ARHGAP15: variants seen among roughly 807,000 people sequenced by gnomAD.
ARHGAP15 encodes the protein rho GTPase-activating protein 15.
A neutral mutation model predicts 63.7 loss-of-function variants in ARHGAP15; 51 were observed. The ratio of observed to expected loss-of-function variants is 0.80; its 90% confidence interval spans 0.64 to 1.01. The LOEUF is 1.01. Among genes scored for constraint, ARHGAP15 ranks in the 50% least tolerant of loss-of-function variants. ARHGAP15 has a pLI of 0.00. For synonymous variants in ARHGAP15, 191 were observed against 193.8 expected (o/e 0.99, Z 0.12); for missense variants, 560 against 564.6 (o/e 0.99, Z 0.08).
At chr2:143,473,966 T>C (rs1030762868) in intron 8 of ARHGAP15, among the ~76,000 whole-genome samples, 2 of 152,084 alleles carry the variant, frequency 1.3e-5, no homozygotes, top group African/African-American at 4.8e-5. Context: ...AAGACCGAAA[T>C]CTCAGCCCGT....
chr2:143,354,372 G>A (rs1296918932), intron 6 of ARHGAP15, among the ~76,000 whole-genome samples: 3 of 152,150 alleles, frequency 2.0e-5, no homozygotes, highest in East Asian at 1.9e-4. Flanking sequence ...AGCCCTAAAA[G>A]TATGGCTGTC....
intron 6 of ARHGAP15, among the ~76,000 whole-genome samples, chr2:143,429,110 A>G (rs1689267497): frequency 1.3e-5 from 2 of 152,132 alleles, no homozygotes; most frequent in African/African-American, 4.8e-5. Context: ...AACTGTGGAA[A>G]TTGCTAAACT....
At chr2:143,438,040 A>C (rs1261960394) in intron 8 of ARHGAP15, among the ~76,000 whole-genome samples, 1 of 152,188 alleles carries the variant, frequency 6.6e-6, no homozygotes, top group East Asian at 1.9e-4. Context: ...AAAGGTAGAC[A>C]TCTTTGGAAC....
intron 10 of ARHGAP15, among the ~76,000 whole-genome samples, chr2:143,526,355 C>T (rs1392738694): frequency 6.6e-6 from 1 of 151,478 alleles, no homozygotes; most frequent in Non-Finnish European, 1.5e-5. Flanking sequence ...TAAATAATGT[C>T]GCTTCCCAGA....
intron 6 of ARHGAP15, among the ~76,000 whole-genome samples, chr2:143,320,411 C>T (rs79816556): frequency 2.5e-5 from 1 of 40,692 alleles, no homozygotes; most frequent in Non-Finnish European, 6.0e-5. Context: ...CTTCCCCACC[C>T]CCCCCCCCCC....
intron 12 of ARHGAP15, among the ~76,000 whole-genome samples, chr2:143,671,195 C>T (rs558732521): frequency 9.2e-5 from 14 of 152,058 alleles, no homozygotes; most frequent in African/African-American, 2.2e-4. Flanking sequence ...TGAAGGGGTC[C>T]TTTTGCAAAA....
intron 2 of ARHGAP15, among the ~76,000 whole-genome samples, chr2:143,156,828 C>T (rs1309570222): frequency 6.6e-6 from 1 of 151,828 alleles, no homozygotes; most frequent in Non-Finnish European, 1.5e-5. Context: ...AGTATTGTCT[C>T]CTGGGAGGTA....
intron 6 of ARHGAP15, among the ~76,000 whole-genome samples, chr2:143,311,842 C>T (rs993859228): frequency 1.3e-5 from 2 of 152,094 alleles, no homozygotes; most frequent in African/African-American, 4.8e-5. Context: ...AGTTCATTAG[C>T]CCTAGATTCT....
At chr2:143,745,501 G>T (rs1212347371) in intron 13 of ARHGAP15, among the ~76,000 whole-genome samples, 1 of 152,164 alleles carries the variant, frequency 6.6e-6, no homozygotes, top group African/African-American at 2.4e-5. Flanking sequence ...AAGAGATGGA[G>T]ACTCATGTCT....
intron 2 of ARHGAP15, among the ~76,000 whole-genome samples, chr2:143,192,988 G>C (rs1321815830): frequency 6.6e-6 from 1 of 152,178 alleles, no homozygotes. Flanking sequence ...ACCCATTTCA[G>C]TGTTAGCACT....
intron 3 of ARHGAP15, among the ~76,000 whole-genome samples, chr2:143,214,257 T>A (rs930316980): frequency 6.6e-6 from 1 of 152,196 alleles, no homozygotes; most frequent in South Asian, 2.1e-4. Flanking sequence ...TTTGGGTAAC[T>A]GTTAATCAGA....
chr2:143,253,681 T>A (rs7576338), intron 6 of ARHGAP15, among the ~76,000 whole-genome samples: 19,147 of 141,970 alleles, frequency 0.13, 1,357 homozygotes, highest in Middle Eastern at 0.26. Context: ...TAATAAAGTA[T>A]GTATTAGATG....
chr2:143,451,290 G>A (rs1406483777), intron 8 of ARHGAP15, among the ~76,000 whole-genome samples: 4 of 151,780 alleles, frequency 2.6e-5, no homozygotes, highest in Non-Finnish European at 5.9e-5. Context: ...GTCTACAAAT[G>A]TATTTTCTTT....
chr2:143,705,257 A>G (rs1447593510), intron 13 of ARHGAP15, among the ~76,000 whole-genome samples: 1 of 152,096 alleles, frequency 6.6e-6, no homozygotes, highest in African/African-American at 2.4e-5. Context: ...CTTTATCTTA[A>G]AGTTCAGAAA....
At chr2:143,487,159 T>A (rs1183378703) in intron 8 of ARHGAP15, among the ~76,000 whole-genome samples, 1 of 152,218 alleles carries the variant, frequency 6.6e-6, no homozygotes, top group Non-Finnish European at 1.5e-5. Flanking sequence ...TATATGGAAC[T>A]AATCCCATTC....
At chr2:143,484,948 C>T (rs1692257691) in intron 8 of ARHGAP15, among the ~76,000 whole-genome samples, 1 of 152,140 alleles carries the variant, frequency 6.6e-6, no homozygotes, top group South Asian at 2.1e-4. Context: ...GGAAACTGCT[C>T]ATAGCCAAAG....
intron 6 of ARHGAP15, among the ~76,000 whole-genome samples, chr2:143,326,744 T>C (rs1441055049): frequency 2.0e-5 from 3 of 152,158 alleles, no homozygotes; most frequent in Non-Finnish European, 4.4e-5. Flanking sequence ...CTCAATAAAC[T>C]AGGTATTGAT....
chr2:143,191,039 G>A (rs1267886463), intron 2 of ARHGAP15, among the ~76,000 whole-genome samples: 1 of 152,168 alleles, frequency 6.6e-6, no homozygotes, highest in Non-Finnish European at 1.5e-5. Flanking sequence ...AAAGTGCTGG[G>A]ATTACAGGCG....
chr2:143,177,628 G>A (rs927543963), intron 2 of ARHGAP15, among the ~76,000 whole-genome samples: 19 of 152,170 alleles, frequency 1.2e-4, no homozygotes, highest in Non-Finnish European at 8.8e-5. Context: ...ATCCCTTGGG[G>A]TTCCTCATCC....
Sources: allele counts gnomAD v4.1 joint callset (sites outside exome capture counted in the v4.1 genomes callset), GRCh38; gene constraint gnomAD v4.1.1; transcripts MANE v1.5; gene names NCBI Gene and HGNC (gene_info 2026-07-23, HGNC 2026-07-21).